RBFOX1: variants seen among roughly 807,000 people sequenced by gnomAD.
The protein encoded by RBFOX1 is RNA binding fox-1 homolog 1.
In RBFOX1, 8 loss-of-function variants were observed where a neutral mutation model predicts 57.7. That is an observed-to-expected ratio of 0.14 (90% CI 0.08 to 0.25). The LOEUF is 0.25. Among genes scored for constraint, RBFOX1 ranks in the 10% least tolerant of loss-of-function variants. The pLI is 1.00. For synonymous variants in RBFOX1, 326 were observed against 222.4 expected, an observed-to-expected ratio of 1.47 and a Z score of -4.15; for missense variants, 611 against 548.5, an observed-to-expected ratio of 1.11 and a Z score of -1.14.
intron 1 of RBFOX1, among the ~76,000 whole-genome samples, chr16:6,085,001 C>A (rs1567417659): frequency 6.6e-6 from 1 of 152,102 alleles, no homozygotes; most frequent in Non-Finnish European, 1.5e-5. Flanking sequence ...TTTCCTTTTC[C>A]CCAATCAACT....
chr16:7,333,255 T>C (rs1235160669), intron 4 of RBFOX1, among the ~76,000 whole-genome samples: 2 of 152,224 alleles, frequency 1.3e-5, no homozygotes, highest in Non-Finnish European at 2.9e-5. Context: ...CTAATCTAGC[T>C]ATCGACATCT....
At chr16:5,392,207 C>A (rs1405522691) in intron 1 of RBFOX1, among the ~76,000 whole-genome samples, 1 of 151,888 alleles carries the variant, frequency 6.6e-6, no homozygotes, top group East Asian at 1.9e-4. Context: ...GATGGGTGCA[C>A]CAAAACCTCA....
intron 4 of RBFOX1, among the ~76,000 whole-genome samples, chr16:7,360,122 A>G (rs2097293573): frequency 6.6e-6 from 1 of 152,210 alleles, no homozygotes; most frequent in African/African-American, 2.4e-5. Context: ...CAACCAAAAG[A>G]CAGATGGATG....
In RBFOX1 at chr16:5,791,697, G is replaced by C. The variant is rs79274041; in HGVS notation, c.319-75606G>C. ...GGCTAACCACAGACTGCATTCTAGAGAGTAGAAAAAAATTAGCACACACAC... is the reference window on the plus strand; with the variant it reads ...GGCTAACCACAGACTGCATTCTAGACAGTAGAAAAAAATTAGCACACACAC... On this transcript the variant is annotated intron_variant, in intron 3 of 19. Coordinates refer to the RBFOX1 transcript ENST00000641259. Among the ~76,000 whole-genome samples the C allele has an allele frequency of 7.0e-3, 1,064 of 152,270 alleles. 7 individuals carry two copies. The highest frequency in any genetic ancestry group is 0.011 in the Non-Finnish European group (781 of 68,018).
chr16:6,690,003 G>A (rs893439527), intron 3 of RBFOX1, among the ~76,000 whole-genome samples: 1 of 152,186 alleles, frequency 6.6e-6, no homozygotes, highest in Non-Finnish European at 1.5e-5. Flanking sequence ...TTTGGGTATT[G>A]ATGATAAACA....
intron 4 of RBFOX1, among the ~76,000 whole-genome samples, chr16:5,958,679 C>T (rs2059693357): frequency 1.3e-5 from 2 of 152,192 alleles, no homozygotes; most frequent in Non-Finnish European, 1.5e-5. Flanking sequence ...ATCTGGACGT[C>T]AAAAGTCTAA....
chr16:5,596,748 A>G (rs2047196187), intron 2 of RBFOX1, among the ~76,000 whole-genome samples: 1 of 152,240 alleles, frequency 6.6e-6, no homozygotes, highest in African/African-American at 2.4e-5. Context: ...ACATTCTCAG[A>G]CCAGTGGACA....
At chr16:7,230,317 T>G (rs1349836525) in intron 4 of RBFOX1, among the ~76,000 whole-genome samples, 7 of 152,114 alleles carry the variant, frequency 4.6e-5, no homozygotes, top group African/African-American at 1.7e-4. Flanking sequence ...AAAACATCAA[T>G]AATTCAATAA....
intron 14 of RBFOX1, among the ~76,000 whole-genome samples, chr16:7,688,177 C>A (rs1239092628): frequency 6.6e-6 from 1 of 150,544 alleles, no homozygotes; most frequent in Non-Finnish European, 1.5e-5. Context: ...AGACCAACTT[C>A]TCAGCTGTAG....
At chr16:6,595,561 C>T (rs1409984844) in intron 2 of RBFOX1, among the ~76,000 whole-genome samples, 1 of 152,082 alleles carries the variant, frequency 6.6e-6, no homozygotes, top group African/African-American at 2.4e-5. Context: ...TTTTATTTCT[C>T]TTGGATATAT....
chr16:6,703,561 A>G (rs1020294657), intron 3 of RBFOX1, among the ~76,000 whole-genome samples: 1 of 152,012 alleles, frequency 6.6e-6, no homozygotes, highest in Non-Finnish European at 1.5e-5. Flanking sequence ...AAAAATAAAA[A>G]AAGCCTGGTG....
At chr16:6,094,653 G>A (rs1484823361) in intron 1 of RBFOX1, among the ~76,000 whole-genome samples, 2 of 152,164 alleles carry the variant, frequency 1.3e-5, no homozygotes, top group East Asian at 3.8e-4. Flanking sequence ...TCCAGTGCTG[G>A]GAGTTTAAGA....
At chr16:6,123,087 T>A (rs1203966767) in intron 1 of RBFOX1, among the ~76,000 whole-genome samples, 1 of 152,148 alleles carries the variant, frequency 6.6e-6, no homozygotes, top group East Asian at 1.9e-4. Context: ...ATTGCAAAAT[T>A]TTAGGAGATC....
intron 1 of RBFOX1, among the ~76,000 whole-genome samples, chr16:6,259,222 G>A (rs1157885945): frequency 1.3e-5 from 2 of 152,092 alleles, no homozygotes; most frequent in Non-Finnish European, 2.9e-5. Flanking sequence ...TGTTATCCAG[G>A]TCACCTACTA....
intron 1 of RBFOX1, among the ~76,000 whole-genome samples, chr16:6,196,245 T>A (rs1378769511): frequency 6.6e-6 from 1 of 152,154 alleles, no homozygotes; most frequent in Non-Finnish European, 1.5e-5. Flanking sequence ...GAATTCAGGA[T>A]TCCTAAGCTC....
intron 3 of RBFOX1, among the ~76,000 whole-genome samples, chr16:6,974,116 T>C (rs957816876): frequency 1.3e-5 from 2 of 152,138 alleles, no homozygotes; most frequent in African/African-American, 4.8e-5. Context: ...CTCATTCCTT[T>C]TTATGGCTGC....
intron 3 of RBFOX1, among the ~76,000 whole-genome samples, chr16:7,025,952 G>C (rs989195148): frequency 5.3e-5 from 8 of 152,196 alleles, no homozygotes; most frequent in African/African-American, 1.9e-4. Flanking sequence ...TGGAAAGAGA[G>C]CCAGGTCTAG....
At chr16:5,566,944 G>A (rs1254115355) in intron 2 of RBFOX1, among the ~76,000 whole-genome samples, 3 of 152,090 alleles carry the variant, frequency 2.0e-5, no homozygotes, top group Non-Finnish European at 4.4e-5. Flanking sequence ...TCCATGTGTC[G>A]CAATTCATCA....
At chr16:6,713,894 G>T (rs2064223586) in intron 3 of RBFOX1, among the ~76,000 whole-genome samples, 1 of 152,194 alleles carries the variant, frequency 6.6e-6, no homozygotes, top group African/African-American at 2.4e-5. Context: ...AATTTGGACA[G>T]GAAGATATCA....
Sources: allele counts gnomAD v4.1 joint callset (sites outside exome capture counted in the v4.1 genomes callset), GRCh38; gene constraint gnomAD v4.1.1; transcripts MANE v1.5; gene names NCBI Gene and HGNC (gene_info 2026-07-23, HGNC 2026-07-21).